Variants in FMC1 observed in about 807,000 individuals in gnomAD.
The protein encoded by FMC1 is formation of mitochondrial complex V assembly factor 1.
FMC1 carries 6 observed loss-of-function variants against 10.5 expected under a neutral mutation model. That is an observed-to-expected ratio of 0.57 (90% CI 0.31 to 1.12). The LOEUF (loss-of-function observed/expected upper bound fraction) is 1.12. Among genes scored for constraint, FMC1 ranks in the 50% most tolerant of loss-of-function variants. The pLI, the probability that FMC1 is intolerant of heterozygous loss-of-function variation, is 0.05. For synonymous variants in FMC1, 59 were observed against 62.1 expected (o/e 0.95, Z 0.24); for missense variants, 146 against 151.7 (o/e 0.96, Z 0.20).
intron 1 of FMC1, chr7:139,344,791 C>G (rs1215985033): frequency 6.7e-6 from 1 of 150,022 alleles, no homozygotes; most frequent in East Asian, 1.9e-4. Context: ...CAAGCTCCGC[C>G]TCCTGGGTTC....
chr7:139,345,771 A>G lies in FMC1; in HGVS notation c.*67A>G. On this transcript the variant is annotated 3_prime_UTR_variant, in exon 2 of 2. Transcript: ENST00000297534. The stretch of plus-strand genomic sequence containing the variant: ...GAATAATTTCTATCAATATGTATTT[A>G]TCATTAAATTTTTTTTAAGTTTAAG... The G allele has an allele frequency of 2.1e-6, 3 of 1,458,018 alleles. No homozygotes were observed. Among genetic ancestry groups the G allele is most frequent in the Non-Finnish European group, 2.7e-6 (3 of 1,098,370 alleles). 90.3% of individuals were successfully genotyped at this position (1,458,018 alleles called of 1,614,324 possible). A position where few individuals can be genotyped will look rare whatever the true frequency, so the allele number is the denominator to read the frequency against.
At chr7:139,340,748 G>A (rs970995818), upstream of FMC1, 3 of 376,230 alleles carry the variant, frequency 8.0e-6, no homozygotes, top group African/African-American at 2.1e-5. Context: ...GCCAGGGATT[G>A]TGGGTTCGAG....
At position 139,343,925 on chromosome 7, in the gene FMC1, C is replaced by CAAAAA. The variant is rs370854113; in HGVS notation, c.139-1576_139-1575insAAAAA. On this transcript the variant is annotated intron_variant, in intron 1 of 1. Coordinates refer to ENST00000297534, the MANE Select transcript of FMC1 (RefSeq NM_197964.5). ...TGGGCAACAAAGTGAGACCCTGTCC[C>CAAAAA]CAAAAAAAAAAAAAAAAAAAAGAGT... Among the ~76,000 whole-genome samples, 5 of 126,506 alleles carry CAAAAA rather than the reference C, an allele frequency of 4.0e-5. 2 individuals carry two copies. The highest frequency in any genetic ancestry group is 1.4e-4 in the African/African-American group (4 of 28,198). 83.0% of individuals were successfully genotyped at this position (126,506 alleles called of 152,430 possible).
In FMC1 at chr7:139,345,784, TTTTAAG is replaced by T; in HGVS notation, c.*87_*92del. 1 of 1,420,422 alleles carries T rather than the reference TTTTAAG, an allele frequency of 7.0e-7. No homozygotes were observed. The highest frequency in any genetic ancestry group is 9.3e-7 in the Non-Finnish European group (1 of 1,074,780). 88.0% of individuals were successfully genotyped at this position (1,420,422 alleles called of 1,614,324 possible). A position where few individuals can be genotyped will look rare whatever the true frequency, so the allele number is the denominator to read the frequency against. ...CAATATGTATTTATCATTAAATTTT[TTTTAAG>T]TTTAAGGTTTTTCTCTGTAATTTTG... is the stretch of plus-strand genomic sequence containing the variant. On this transcript the variant is annotated 3_prime_UTR_variant, in exon 2 of 2. Coordinates refer to ENST00000297534, the MANE Select transcript of FMC1 (RefSeq NM_197964.5).
upstream of FMC1, chr7:139,341,312 C>A (rs1798942971): frequency 6.5e-7 from 1 of 1,540,626 alleles, no homozygotes. Flanking sequence ...TACCATTAGG[C>A]GCCTGGGCCG....
upstream of FMC1, among the ~76,000 whole-genome samples, chr7:139,340,824 A>T (rs1436758646): frequency 6.8e-6 from 1 of 146,734 alleles, no homozygotes; most frequent in African/African-American, 2.5e-5. Context: ...GAAATATGCC[A>T]ACTTTACTTT....
rs779614237 is a variant in FMC1, at chr7:139,345,521, C to T, written c.159C>T (p.Cys53=). The part of the protein sequence containing the change: ...RAHRVTSEKL[C]RAQHELHFQA... The stretch of plus-strand genomic sequence containing the variant: ...TCTAGGTCACCAGTGAAAAGTTGTG[C>T]AGAGCCCAACATGAGCTTCATTTCC... The change falls in exon 2 of 2, where the codon TGC becomes TGT. Residue 53 remains cysteine (C), a synonymous_variant. Coordinates refer to ENST00000297534, the MANE Select transcript of FMC1 (RefSeq NM_197964.5). 1.2e-6 allele frequency: 2 copies of T among 1,614,156 alleles called. No individual in the cohort carries two copies. The highest frequency in any genetic ancestry group is 2.2e-5 in the East Asian group (1 of 44,878).
At chr7:139,341,202 G>A, upstream of FMC1, 1 of 1,080,456 alleles carries the variant, frequency 9.3e-7, no homozygotes, top group Non-Finnish European at 1.2e-6. Flanking sequence ...ATTTTGTTAC[G>A]GCGCCCCTGG....
In FMC1 at chr7:139,345,910, T is replaced by C. The variant is rs1467734085; in HGVS notation, c.*206T>C. On this transcript the variant is annotated 3_prime_UTR_variant, in exon 2 of 2. Coordinates refer to ENST00000297534, the MANE Select transcript of FMC1 (RefSeq NM_197964.5). The stretch of plus-strand genomic sequence containing the variant: ...CACTAGACTGATGTTGTTTTTCTAC[T>C]TAAAAAAATTTTTTTATATTTTATT... The C allele has an allele frequency of 6.0e-6, 3 of 500,756 alleles. No individual in the cohort carries two copies. The highest frequency in any genetic ancestry group is 9.6e-6 in the Non-Finnish European group (3 of 313,538). 31.0% of individuals were successfully genotyped at this position (500,756 alleles called of 1,614,324 possible). A position where few individuals can be genotyped will look rare whatever the true frequency, so the allele number is the denominator to read the frequency against.
Position 139,345,552 on chromosome 7 carries a change from G to A in FMC1, c.190G>A (p.Ala64Thr). Residue 64 changes from alanine to threonine, a missense_variant, in exon 2 of 2, where the codon GCC (alanine) becomes ACC (threonine). Coordinates refer to ENST00000297534, the MANE Select transcript of FMC1 (RefSeq NM_197964.5). ...RAQHELHFQAATYLCLLRSIR... is the reference protein window; with the variant it reads ...RAQHELHFQATTYLCLLRSIR... The stretch of plus-strand genomic sequence containing the variant: ...CCAACATGAGCTTCATTTCCAAGCT[G>A]CCACCTATCTCTGCCTCCTGCGTAG... The A allele has an allele frequency of 6.2e-7, 1 of 1,614,120 alleles. No homozygotes were observed. The highest frequency in any genetic ancestry group is 8.5e-7 in the Non-Finnish European group (1 of 1,180,030).
rs550049638 is a variant in FMC1, at chr7:139,343,808, G to A, written c.139-1693G>A. ...AAATTAGCCGGATATGGTGGTGTGC[G>A]TCTGTAGTCCCAGCTACTTGCGGGG... is the stretch of plus-strand genomic sequence containing the variant. On this transcript the variant is annotated intron_variant, in intron 1 of 1. Transcript: ENST00000297534. Among the ~76,000 whole-genome samples the A allele has an allele frequency of 1.9e-4, 28 of 151,298 alleles. 1 individual carries two copies. The highest frequency in any genetic ancestry group is 1.2e-3 in the Admixed American group (18 of 15,162).
At chr7:139,342,121 A>C (rs1489456115) in intron 1 of FMC1, among the ~76,000 whole-genome samples, 2 of 152,150 alleles carry the variant, frequency 1.3e-5, no homozygotes, top group Non-Finnish European at 2.9e-5. Flanking sequence ...CTAGTTTTTA[A>C]AAGGTGGCAA....
chr7:139,342,968 T>G (rs1799070234), intron 1 of FMC1, among the ~76,000 whole-genome samples: 1 of 152,218 alleles, frequency 6.6e-6, no homozygotes, highest in African/African-American at 2.4e-5. Flanking sequence ...ATTTTCTCTA[T>G]CCTTTCCCTC....
At chr7:139,340,647 G>T, upstream of FMC1, 1 of 396,278 alleles carries the variant, frequency 2.5e-6, no homozygotes, top group Non-Finnish European at 4.4e-6. Flanking sequence ...TGACGATGAC[G>T]TACCAAAGAG....
chr7:139,346,013 G>C lies in FMC1; in HGVS notation c.*309G>C. On this transcript the variant is annotated 3_prime_UTR_variant, in exon 2 of 2. Coordinates refer to ENST00000297534, the MANE Select transcript of FMC1 (RefSeq NM_197964.5). ...AGCACTTTGGGAGGCCAAGGCAGGC[G>C]GATCACCTGAGGTTGGGAGTTCGCG... 5.4e-6 allele frequency: 1 copy of C among 183,544 alleles called. No individual in the cohort carries two copies. Among genetic ancestry groups the C allele is most frequent in the South Asian group, 1.0e-4 (1 of 9,824 alleles). 11.4% of individuals were successfully genotyped at this position (183,544 alleles called of 1,614,324 possible).
rs1799243631 is a variant in FMC1, at chr7:139,345,764, T to C, written c.*60T>C. ...GAGAATTGAATAATTTCTATCAATA[T>C]GTATTTATCATTAAATTTTTTTTAA... On this transcript the variant is annotated 3_prime_UTR_variant, in exon 2 of 2. Coordinates refer to ENST00000297534, the MANE Select transcript of FMC1 (RefSeq NM_197964.5). The C allele has an allele frequency of 2.0e-6, 3 of 1,478,562 alleles. No homozygotes were observed. In the African/African-American group the frequency reaches 4.3e-5, roughly 21 times the overall value. The allele number at this position is 1,478,562 out of a possible 1,614,324, so 91.6% of individuals were successfully genotyped here.
upstream of FMC1, chr7:139,341,314 C>T: frequency 6.5e-7 from 1 of 1,544,898 alleles, no homozygotes; most frequent in East Asian, 2.3e-5. Context: ...CCATTAGGCG[C>T]CTGGGCCGGA....
upstream of FMC1, chr7:139,340,483 C>T (rs994717671): frequency 7.5e-6 from 3 of 398,452 alleles, no homozygotes; most frequent in Admixed American, 8.8e-5. Context: ...TGCGCGCGCC[C>T]GTTCAACGTC....
intron 1 of FMC1, 133 bp from the exon 2 acceptor site, chr7:139,345,368 T>G: frequency 1.5e-6 from 2 of 1,349,314 alleles, no homozygotes; most frequent in Non-Finnish European, 2.0e-6. Context: ...TAAGTATACA[T>G]GTATATACAT....
Sources: gnomAD v4.1 joint callset for allele counts (sites outside exome capture counted in the v4.1 genomes callset) on GRCh38, gnomAD v4.1.1 for gene constraint, MANE v1.5 for transcripts, NCBI Gene and HGNC (gene_info 2026-07-23, HGNC 2026-07-21) for gene names.